The following CYP2B6 variants were observed in gnomAD, a reference collection of about 807,000 sequenced individuals.
The protein encoded by CYP2B6 is cytochrome P450 family 2 subfamily B member 6, also known as cytochrome P450 2B6.
CYP2B6 carries 35 observed loss-of-function variants against 43.4 expected under a neutral mutation model. That is an observed-to-expected ratio of 0.81 (90% confidence interval 0.62 to 1.07). The LOEUF (loss-of-function observed/expected upper bound fraction) is 1.07. CYP2B6 is among the 50% of genes least tolerant of loss of function. The pLI is 0.00. For missense variants in CYP2B6, 624 were observed against 632.8 expected (o/e 0.99, Z 0.15); for synonymous variants, 239 against 239.2 (o/e 1.00, Z 0.01).
intron 8 of CYP2B6, among the ~76,000 whole-genome samples, chr19:41,014,071 T>C (rs1486245187): frequency 1.1e-3 from 164 of 152,240 alleles, no homozygotes; most frequent in African/African-American, 3.8e-3. Flanking sequence ...GTAGGGAGGC[T>C]GCTTTAGGCC....
chr19:41,010,181 G>C, intron 6 of CYP2B6, 46 bp downstream of exon 6: 3 of 1,609,006 alleles, frequency 1.9e-6, no homozygotes, highest in Non-Finnish European at 2.5e-6. Context: ...ACCTCCTTCT[G>C]AGCTGCAGAA....
chr19:40,996,511 G>C (rs570561887), intron 1 of CYP2B6, among the ~76,000 whole-genome samples: 1 of 152,134 alleles, frequency 6.6e-6, no homozygotes, highest in African/African-American at 2.4e-5. Context: ...CCAGCTTCAA[G>C]TGTTCAAATG....
intron 1 of CYP2B6, among the ~76,000 whole-genome samples, chr19:40,998,122 T>C (rs932114150): frequency 6.6e-6 from 1 of 151,978 alleles, no homozygotes; most frequent in African/African-American, 2.4e-5. Flanking sequence ...TCATCTGCAA[T>C]GTGAGGAGTG....
intron 8 of CYP2B6, among the ~76,000 whole-genome samples, chr19:41,013,742 A>G (rs1462268754): frequency 1.3e-5 from 2 of 152,190 alleles, no homozygotes; most frequent in Non-Finnish European, 2.9e-5. Context: ...TAAAAGAAAA[A>G]CTTTAGACAA....
intron 1 of CYP2B6, among the ~76,000 whole-genome samples, chr19:40,992,148 G>A (rs1968929212): frequency 6.9e-6 from 1 of 144,268 alleles, no homozygotes; most frequent in African/African-American, 2.7e-5. Flanking sequence ...GTTGCAGTGA[G>A]CCAAAATCTT....
At chr19:40,992,638 GC>G (rs1354870872) in intron 1 of CYP2B6, among the ~76,000 whole-genome samples, 2 of 151,948 alleles carry the variant, frequency 1.3e-5, no homozygotes, top group Non-Finnish European at 2.9e-5. Context: ...TCCTGCCTCA[GC>G]CCCCCAAGTA....
intron 1 of CYP2B6, among the ~76,000 whole-genome samples, chr19:40,997,324 A>G (rs1157788812): frequency 2.6e-5 from 4 of 151,888 alleles, no homozygotes; most frequent in Admixed American, 2.6e-4. Flanking sequence ...TCTACTTATC[A>G]TTACTAATCC....
chr19:41,004,569 C>G, intron 3 of CYP2B6, 123 bp downstream of exon 3: 3 of 1,099,572 alleles, frequency 2.7e-6, no homozygotes, highest in Non-Finnish European at 4.0e-6. Flanking sequence ...ACTGGAGACA[C>G]CATCAGACAG....
chr19:41,001,908 C>T (rs1969095810), intron 1 of CYP2B6, among the ~76,000 whole-genome samples: 1 of 149,406 alleles, frequency 6.7e-6, no homozygotes, highest in Admixed American at 6.7e-5. Context: ...ATGAGAACTA[C>T]GTTAGATTGA....
chr19:41,002,663 C>T (rs1315199937), intron 1 of CYP2B6, among the ~76,000 whole-genome samples: 2 of 152,152 alleles, frequency 1.3e-5, no homozygotes, highest in African/African-American at 4.8e-5. Context: ...ATTCTCTCGT[C>T]TCAGCCTCCC....
intron 8 of CYP2B6, among the ~76,000 whole-genome samples, chr19:41,015,795 C>T (rs545173256): frequency 1.4e-3 from 195 of 137,176 alleles, no homozygotes; most frequent in African/African-American, 4.6e-3. Flanking sequence ...ACACATACCC[C>T]ACACATACCC....
rs189654204 is a variant in CYP2B6 at position 41,003,189 on chromosome 19, G to A, written c.172-812G>A. Among the ~76,000 whole-genome samples, 28 of 152,222 alleles carry A rather than the reference G, an allele frequency of 1.8e-4. No homozygotes were observed. The East Asian group carries it at 2.5e-3, about 14-fold the overall frequency. On this transcript the variant is annotated intron_variant, in intron 1 of 8. Coordinates refer to ENST00000324071, the MANE Select transcript of CYP2B6 (RefSeq NM_000767.5). ...GAAATACTGCCCAGCAGTTCCCCAA[G>A]TGGCTGCACAGTAATCCCACCTTAT...
At chr19:41,010,194 G>A in intron 6 of CYP2B6, 59 bp downstream of exon 6, 1 of 1,597,726 alleles carries the variant, frequency 6.3e-7, no homozygotes, top group Non-Finnish European at 8.6e-7. Flanking sequence ...CTGCAGAAAT[G>A]GGGCTATGGG....
chr19:41,014,422 C>T (rs569190095), intron 8 of CYP2B6, among the ~76,000 whole-genome samples: 1 of 152,168 alleles, frequency 6.6e-6, no homozygotes, highest in Admixed American at 6.5e-5. Context: ...TCTCCTGCCT[C>T]AGCCTCCCGA....
intron 1 of CYP2B6, among the ~76,000 whole-genome samples, chr19:40,997,979 G>T (rs1199854903): frequency 6.6e-6 from 1 of 152,098 alleles, no homozygotes; most frequent in Non-Finnish European, 1.5e-5. Context: ...GCATGTGCCT[G>T]TAGTCCCAGC....
intron 8 of CYP2B6, 86 bp from the exon 9 acceptor site, chr19:41,016,560 A>C: frequency 7.1e-7 from 1 of 1,417,416 alleles, no homozygotes; most frequent in Admixed American, 1.7e-5. Context: ...GTTGCAGTGG[A>C]CATTTGTGTC....
chr19:40,991,396 C>T lies in CYP2B6; in HGVS notation c.91C>T (p.Pro31Ser), dbSNP rs1464764331. The T allele has an allele frequency of 6.2e-7, 1 of 1,614,064 alleles. No individual in the cohort carries two copies. ...QRHPNTHDRL[P>S]PGPRPLPLLG... ...CCACCCTAACACCCATGACCGCCTC[C>T]CACCAGGGCCCCGCCCTCTGCCCCT... Residue 31 changes from proline (P) to serine (S), a missense_variant, in exon 1 of 9, where the codon CCA (proline) becomes TCA (serine). Physicochemically the swap from Pro to Ser is moderately conservative, Grantham distance 74 (BLOSUM62 -1). Coordinates refer to ENST00000324071, the MANE Select transcript of CYP2B6 (RefSeq NM_000767.5).
At chr19:40,993,169 T>C (rs1968947604) in intron 1 of CYP2B6, among the ~76,000 whole-genome samples, 1 of 152,164 alleles carries the variant, frequency 6.6e-6, no homozygotes, top group African/African-American at 2.4e-5. Context: ...GACATTCATT[T>C]GTAGTTGGCC....
rs528397773 is a variant in CYP2B6, at chr19:41,017,084, C to T, written c.*257C>T. ...TTGAGACAGAGTCTCACACTGTTGCCCAGGCTGGAGTGCAGTGGCGTGATC... is the reference window on the plus strand; with the variant it reads ...TTGAGACAGAGTCTCACACTGTTGCTCAGGCTGGAGTGCAGTGGCGTGATC... On this transcript the variant is annotated 3_prime_UTR_variant, in exon 9 of 9. Transcript: ENST00000324071. 47 of 274,068 alleles carry T rather than the reference C, an allele frequency of 1.7e-4. No homozygotes were observed. The highest frequency in any genetic ancestry group is 1.2e-3 in the Middle Eastern group (1 of 822). 17.0% of individuals were successfully genotyped at this position (274,068 alleles called of 1,614,324 possible).
Sources: allele counts gnomAD v4.1 joint callset (sites outside exome capture counted in the v4.1 genomes callset), GRCh38; gene constraint gnomAD v4.1.1; transcripts MANE v1.5; gene names NCBI Gene and HGNC (gene_info 2026-07-23, HGNC 2026-07-21).